The following SUGCT variants were observed in gnomAD, a reference collection of about 807,000 sequenced individuals.
SUGCT encodes succinyl-CoA:glutarate-CoA transferase, also known as succinyl-CoA:glutarate CoA-transferase.
In SUGCT, 41 loss-of-function variants were observed where a neutral mutation model predicts 55.0. The observed-to-expected ratio is 0.74, with a 90% CI of 0.58 to 0.97. The LOEUF is 0.97. Ranked by LOEUF, SUGCT falls within the 50% of genes least tolerant of loss-of-function variation. SUGCT has a pLI of 0.00. For missense variants in SUGCT, 568 were observed against 547.8 expected (o/e 1.04, Z -0.37); for synonymous variants, 187 against 200.4 (o/e 0.93, Z 0.56).
intron 12 of SUGCT, among the ~76,000 whole-genome samples, chr7:40,534,870 A>G (rs1794280353): frequency 6.6e-6 from 1 of 152,224 alleles, no homozygotes; most frequent in Non-Finnish European, 1.5e-5. Flanking sequence ...TATTTGTCTT[A>G]ACATATGTTT....
intron 6 of SUGCT, among the ~76,000 whole-genome samples, chr7:40,202,184 G>C (rs1229706493): frequency 6.6e-6 from 1 of 152,136 alleles, no homozygotes; most frequent in Non-Finnish European, 1.5e-5. Flanking sequence ...TGTTGCCCAG[G>C]CTGGTTTTGA....
At chr7:40,180,863 C>G in intron 1 of SUGCT, 84 bp from the exon 2 acceptor site, 3 of 1,013,612 alleles carry the variant, frequency 3.0e-6, no homozygotes, top group Non-Finnish European at 4.6e-6. Flanking sequence ...TCCTTGTGAT[C>G]TGTCTCAAGC....
At chr7:40,291,426 G>A (rs1402448019) in intron 8 of SUGCT, among the ~76,000 whole-genome samples, 1 of 145,170 alleles carries the variant, frequency 6.9e-6, no homozygotes, top group African/African-American at 2.6e-5. Context: ...GACACCACAT[G>A]TTCTCACTCA....
intron 9 of SUGCT, among the ~76,000 whole-genome samples, chr7:40,334,470 T>A (rs1483323691): frequency 1.3e-5 from 2 of 152,204 alleles, no homozygotes; most frequent in Admixed American, 6.5e-5. Context: ...GGTATCTCAT[T>A]GTGGTTTTGA....
At chr7:40,333,700 T>TATATATAA (rs1178720899) in intron 9 of SUGCT, among the ~76,000 whole-genome samples, 1 of 117,088 alleles carries the variant, frequency 8.5e-6, no homozygotes, top group East Asian at 2.3e-4. Context: ...TATATATATA[T>TATATATAA]ATAAATATTT....
chr7:40,292,075 G>A lies in SUGCT; in HGVS notation c.720+17419G>A, dbSNP rs549325845. The stretch of plus-strand genomic sequence containing the variant: ...AGGGGCAATTTGTTACAGCAGTAAC[G>A]GGAAACCAATTCACCACCTTAGCAG... On this transcript the variant is annotated intron_variant, in intron 8 of 13. Coordinates refer to ENST00000335693, the MANE Select transcript of SUGCT (RefSeq NM_001193313.2). Among the ~76,000 whole-genome samples, 4 of 152,290 alleles carry A rather than the reference G, an allele frequency of 2.6e-5. No homozygotes were observed. In the East Asian group the frequency reaches 5.8e-4, roughly 22 times the overall value.
At chr7:40,338,815 G>C (rs118072957) in intron 9 of SUGCT, among the ~76,000 whole-genome samples, 1 of 152,148 alleles carries the variant, frequency 6.6e-6, no homozygotes, top group African/African-American at 2.4e-5. Flanking sequence ...TTGTAGGGGA[G>C]GGGTGCTTGG....
the SUGCT span, among the ~76,000 whole-genome samples, chr7:40,876,240 G>A: frequency 3.9e-5 from 6 of 152,086 alleles, no homozygotes; most frequent in Non-Finnish European, 5.9e-5. Context: ...TAATAACTCC[G>A]TAAGATTGAC....
chr7:40,400,891 G>T (rs778894880), intron 9 of SUGCT, among the ~76,000 whole-genome samples: 8 of 152,122 alleles, frequency 5.3e-5, no homozygotes, highest in African/African-American at 1.4e-4. Flanking sequence ...GTGGGGAAAA[G>T]ATTTTTGCAC....
At chr7:40,168,739 C>T (rs1463728406) in intron 1 of SUGCT, among the ~76,000 whole-genome samples, 7 of 152,302 alleles carry the variant, frequency 4.6e-5, no homozygotes, top group East Asian at 1.9e-4. Flanking sequence ...TTTCCTTCTT[C>T]GGCGGCTAGC....
chr7:40,406,260 C>T (rs1786365547), intron 9 of SUGCT, among the ~76,000 whole-genome samples: 1 of 152,040 alleles, frequency 6.6e-6, no homozygotes, highest in South Asian at 2.1e-4. Context: ...ACCTCCAATA[C>T]CAATCTTAGG....
chr7:40,897,150 C>T, the SUGCT span, among the ~76,000 whole-genome samples: 9 of 152,218 alleles, frequency 5.9e-5, no homozygotes, highest in Non-Finnish European at 1.3e-4. Flanking sequence ...AACTGGATAT[C>T]CACATGTAGA....
intron 13 of SUGCT, among the ~76,000 whole-genome samples, chr7:40,792,016 G>A (rs149072701): frequency 6.6e-6 from 1 of 152,166 alleles, no homozygotes; most frequent in Non-Finnish European, 1.5e-5. Flanking sequence ...CTGTCCTCTG[G>A]CCACACATGA....
chr7:40,211,437 ACTCCTGGCCTCAAGTGAT>A (rs1286953904), intron 6 of SUGCT, among the ~76,000 whole-genome samples: 3 of 151,664 alleles, frequency 2.0e-5, no homozygotes, highest in African/African-American at 7.3e-5. Flanking sequence ...CTGATCTTGA[ACTCCTGGCCTCAAGTGAT>A]CTCCCTGCCT....
intron 12 of SUGCT, among the ~76,000 whole-genome samples, chr7:40,592,629 G>C (rs1181374218): frequency 2.0e-5 from 3 of 152,134 alleles, no homozygotes; most frequent in Non-Finnish European, 4.4e-5. Flanking sequence ...GTAGTGCCAG[G>C]GGCTTTCTGA....
At chr7:40,488,595 T>G (rs879534530) in intron 11 of SUGCT, among the ~76,000 whole-genome samples, 15 of 152,328 alleles carry the variant, frequency 9.8e-5, no homozygotes, top group Non-Finnish European at 1.8e-4. Context: ...ATTTTTCATA[T>G]TACTCACTCA....
At chr7:40,283,500 A>G (rs1350431544) in intron 8 of SUGCT, among the ~76,000 whole-genome samples, 2 of 152,134 alleles carry the variant, frequency 1.3e-5, no homozygotes, top group Non-Finnish European at 2.9e-5. Flanking sequence ...AAATGCTAGG[A>G]TTACATGCAT....
At chr7:40,366,907 A>G (rs1334015105) in intron 9 of SUGCT, among the ~76,000 whole-genome samples, 1 of 152,192 alleles carries the variant, frequency 6.6e-6, no homozygotes, top group African/African-American at 2.4e-5. Context: ...CAGCCATCCC[A>G]TTACTGGGTA....
intron 9 of SUGCT, 36 bp downstream of exon 9, chr7:40,316,891 AT>A (rs1397253089): frequency 1.7e-5 from 18 of 1,087,772 alleles, no homozygotes; most frequent in Non-Finnish European, 2.0e-5. Context: ...GGCTGTTGTA[AT>A]TTGCAGTTTT....
Sources: allele counts gnomAD v4.1 joint callset (sites outside exome capture counted in the v4.1 genomes callset), GRCh38; gene constraint gnomAD v4.1.1; transcripts MANE v1.5; gene names NCBI Gene and HGNC (gene_info 2026-07-23, HGNC 2026-07-21).